The following PLXDC1 variants were observed in gnomAD, a reference collection of about 807,000 sequenced individuals.
PLXDC1 encodes plexin domain-containing protein 1.
A neutral mutation model predicts 61.3 loss-of-function variants in PLXDC1; 39 were observed. That is an observed-to-expected ratio of 0.64 (90% CI 0.49 to 0.83). PLXDC1 has a LOEUF of 0.83. Ranked by LOEUF, PLXDC1 falls within the 40% of genes least tolerant of loss-of-function variation. PLXDC1 has a pLI of 0.00. For synonymous variants in PLXDC1, 212 were observed against 254.5 expected (o/e 0.83, Z 1.59); for missense variants, 596 against 666.5 (o/e 0.89, Z 1.17).
At chr17:39,069,234 C>A (rs913638702) in intron 13 of PLXDC1, among the ~76,000 whole-genome samples, 1 of 152,116 alleles carries the variant, frequency 6.6e-6, no homozygotes, top group African/African-American at 2.4e-5. Flanking sequence ...GCTTCCCAAG[C>A]GGCTGGGACC....
At chr17:39,122,546 A>G (rs1911198848) in intron 2 of PLXDC1, among the ~76,000 whole-genome samples, 1 of 152,190 alleles carries the variant, frequency 6.6e-6, no homozygotes, top group Admixed American at 6.5e-5. Flanking sequence ...CCCCAACACC[A>G]GGCCAGTCTA....
chr17:39,063,335 G>A lies in PLXDC1; in HGVS notation c.*4505C>T, dbSNP rs2143152208. ...ATAGACTTTCTCAGATTTATTGTAT[G>A]TCCTCAGACAGTAGATAAAAATGCA... On this transcript the variant is annotated 3_prime_UTR_variant, in exon 14 of 14. Transcript: ENST00000315392. 2 of 622,376 alleles carry A rather than the reference G, an allele frequency of 3.2e-6. 1 individual carries two copies. Among genetic ancestry groups the A allele is most frequent in the Middle Eastern group, 7.5e-4 (2 of 2,676 alleles). 38.6% of individuals were successfully genotyped at this position (622,376 alleles called of 1,614,324 possible).
chr17:39,151,470 G>A lies in PLXDC1; in HGVS notation c.-33C>T, dbSNP rs945234926. ...GCCCGGACCTGCCCCCGGCCTGCTT[G>A]CTGCCCCGGTCCTGACGAGGGAGGG... On this transcript the variant is annotated 5_prime_UTR_variant, in exon 1 of 14. Transcript: ENST00000315392. The surrounding 1 kb of genome is among the most constrained non-coding windows in gnomAD (Gnocchi z 5.2). 2.1e-5 allele frequency: 26 copies of A among 1,244,940 alleles called. No individual in the cohort carries two copies. The African/African-American group carries it at 4.0e-4, about 19-fold the overall frequency. 77.1% of individuals were successfully genotyped at this position (1,244,940 alleles called of 1,614,324 possible).
At chr17:39,110,595 C>T (rs892393904) in intron 2 of PLXDC1, among the ~76,000 whole-genome samples, 28 of 152,308 alleles carry the variant, frequency 1.8e-4, no homozygotes, top group Admixed American at 2.0e-4. Flanking sequence ...TGGCAGCCAC[C>T]GCCACAGAGG....
chr17:39,115,460 G>T (rs1393028919), intron 2 of PLXDC1, among the ~76,000 whole-genome samples: 1 of 152,210 alleles, frequency 6.6e-6, no homozygotes, highest in Non-Finnish European at 1.5e-5. Flanking sequence ...TCTGCTGCAG[G>T]TCCCAAACAG....
In PLXDC1 at chr17:39,079,955, G is replaced by GC. The variant is rs200955153; in HGVS notation, c.990-792dup. ...GGCCAAGGGCCAAGGCTTGCCAGGAGCTGTCAGTCTTTCCTTCTGCAGATG... is the reference window on the plus strand; with the variant it reads ...GGCCAAGGGCCAAGGCTTGCCAGGAGCCTGTCAGTCTTTCCTTCTGCAGATG... On this transcript the variant is annotated intron_variant, in intron 9 of 13. Coordinates refer to ENST00000315392, the MANE Select transcript of PLXDC1 (RefSeq NM_020405.5). 1,074 of 199,182 alleles carry GC rather than the reference G, an allele frequency of 5.4e-3. 6 individuals are homozygous for GC. Among genetic ancestry groups the GC allele is most frequent in the East Asian group, 0.029 (215 of 7,486 alleles). The allele number at this position is 199,182 out of a possible 1,614,324, so 12.3% of individuals were successfully genotyped here. A position where few individuals can be genotyped will look rare whatever the true frequency, so the allele number is the denominator to read the frequency against.
At chr17:39,088,957 A>G (rs1909845616) in intron 7 of PLXDC1, among the ~76,000 whole-genome samples, 1 of 136,498 alleles carries the variant, frequency 7.3e-6, no homozygotes. Context: ...AAAAAAAAAA[A>G]AAAAAAAGAG....
chr17:39,119,467 G>C (rs747595571), intron 2 of PLXDC1, among the ~76,000 whole-genome samples: 2 of 152,100 alleles, frequency 1.3e-5, no homozygotes, highest in East Asian at 3.8e-4. Flanking sequence ...AAATTAGATC[G>C]GGCGTGGAGG....
Position 39,107,479 on chromosome 17 carries a change from C to T in PLXDC1, c.639G>A (p.Trp213Ter), listed in dbSNP as rs1474123542. 1 of 1,614,074 alleles carries T rather than the reference C, an allele frequency of 6.2e-7. No homozygotes were observed. Among genetic ancestry groups the T allele is most frequent in the South Asian group, 1.1e-5 (1 of 91,070 alleles). ...GGAAGGTGAAACTGCCCTTGTCTTC[C>T]CAGCCTTGGAGATAAACGTGGTCCC... ...VQWDHVYLQG[W>*]EDKGSFTFQA... The change falls in exon 6 of 14, where the codon TGG (tryptophan) becomes TGA (stop). Residue 213 changes from tryptophan (W) to a stop codon, truncating the protein, a stop_gained. Coordinates refer to ENST00000315392, the MANE Select transcript of PLXDC1 (RefSeq NM_020405.5). LOFTEE classifies it high-confidence loss of function.
At chr17:39,107,690 GC>G in intron 5 of PLXDC1, 165 bp from the exon 6 acceptor site, 1 of 657,044 alleles carries the variant, frequency 1.5e-6, no homozygotes, top group Non-Finnish European at 2.8e-6. Context: ...CTAAAGCAGC[GC>G]GGCTTCCAAG....
At chr17:39,089,410 G>T (rs908348650) in intron 7 of PLXDC1, among the ~76,000 whole-genome samples, 1 of 152,150 alleles carries the variant, frequency 6.6e-6, no homozygotes, top group East Asian at 1.9e-4. Context: ...CCACAGTACC[G>T]GGCTCATGGG....
chr17:39,143,611 G>T (rs1387031220), intron 1 of PLXDC1, among the ~76,000 whole-genome samples: 1 of 152,208 alleles, frequency 6.6e-6, no homozygotes, highest in African/African-American at 2.4e-5. Flanking sequence ...CAGGCCTGGG[G>T]CTGAGGCCAG....
At position 39,097,747 on chromosome 17, in the gene PLXDC1, A is replaced by AAT. The variant is rs1439715737; in HGVS notation, c.811+8105_811+8106dup. Among the ~76,000 whole-genome samples the AAT allele has an allele frequency of 7.3e-5, 11 of 150,580 alleles. No individual in the cohort carries two copies. In the South Asian group the frequency reaches 2.3e-3, roughly 32 times the overall value. ...AAATAAATAAATAAATAAATAAATA[A>AAT]ATAAATAAGCTGGGCATGGTGGTAC... On this transcript the variant is annotated intron_variant, in intron 7 of 13. Transcript: ENST00000315392.
chr17:39,109,118 A>G, intron 3 of PLXDC1, 130 bp downstream of exon 3: 1 of 1,343,014 alleles, frequency 7.4e-7, no homozygotes, highest in South Asian at 1.3e-5. Flanking sequence ...GCAAAGTCCC[A>G]TGGGAACCCC....
chr17:39,090,493 C>T (rs560579272), intron 7 of PLXDC1, among the ~76,000 whole-genome samples: 11 of 152,156 alleles, frequency 7.2e-5, no homozygotes, highest in East Asian at 3.9e-4. Context: ...GCTCGGCCCC[C>T]GGAGGGTGAC....
intron 7 of PLXDC1, among the ~76,000 whole-genome samples, chr17:39,102,701 C>A (rs1337248361): frequency 1.1e-4 from 14 of 124,948 alleles, no homozygotes; most frequent in African/African-American, 4.3e-4. Context: ...CGTATGCTAT[C>A]AAATACACAC....
At chr17:39,119,300 G>A (rs1208601961) in intron 2 of PLXDC1, among the ~76,000 whole-genome samples, 1 of 152,196 alleles carries the variant, frequency 6.6e-6, no homozygotes, top group Admixed American at 6.5e-5. Context: ...CACTGGTACA[G>A]ACAGCAAGAG....
intron 7 of PLXDC1, among the ~76,000 whole-genome samples, chr17:39,096,457 C>T (rs1359675449): frequency 6.6e-6 from 1 of 152,246 alleles, no homozygotes; most frequent in Non-Finnish European, 1.5e-5. Flanking sequence ...TCCTCAGCTT[C>T]TCCCTGCACC....
chr17:39,130,770 C>T (rs1040118424), intron 2 of PLXDC1, among the ~76,000 whole-genome samples: 35 of 152,152 alleles, frequency 2.3e-4, no homozygotes, highest in African/African-American at 7.2e-4. Flanking sequence ...CCACGTTGGC[C>T]GGGTTGGTCT....
Sources: gnomAD v4.1 joint callset for allele counts (sites outside exome capture counted in the v4.1 genomes callset) on GRCh38, gnomAD v4.1.1 for gene constraint, Gnocchi (gnomAD v3.1) non-coding constraint, MANE v1.5 for transcripts, NCBI Gene and HGNC (gene_info 2026-07-23, HGNC 2026-07-21) for gene names.